SLC8A1: variants seen among roughly 807,000 people sequenced by gnomAD.
SLC8A1 encodes sodium/calcium exchanger 1.
A neutral mutation model predicts 68.3 loss-of-function variants in SLC8A1; 18 were observed. The ratio of observed to expected loss-of-function variants is 0.26; its 90% CI spans 0.18 to 0.39. The LOEUF (loss-of-function observed/expected upper bound fraction) is 0.39. Among genes scored for constraint, SLC8A1 ranks in the 10% least tolerant of loss-of-function variants. SLC8A1 has a pLI of 1.00. For missense variants in SLC8A1, 985 were observed against 1,156.7 expected, an observed-to-expected ratio of 0.85 and a Z score of 2.15; for synonymous variants, 475 against 415.5, an observed-to-expected ratio of 1.14 and a Z score of -1.74.
intron 2 of SLC8A1, among the ~76,000 whole-genome samples, chr2:40,261,000 G>A (rs1254416153): frequency 6.6e-6 from 1 of 152,214 alleles, no homozygotes; most frequent in Non-Finnish European, 1.5e-5. Context: ...AACAGGAAGG[G>A]AGAGAGACAG....
At chr2:40,469,361 T>C (rs1365163233) in intron 1 of SLC8A1, among the ~76,000 whole-genome samples, 2 of 152,248 alleles carry the variant, frequency 1.3e-5, no homozygotes, top group South Asian at 2.1e-4. Context: ...ACTTCCCTCC[T>C]CACTTTCTCT....
chr2:40,425,339 C>G (rs1402457316), intron 2 of SLC8A1, among the ~76,000 whole-genome samples: 2 of 151,764 alleles, frequency 1.3e-5, no homozygotes, highest in African/African-American at 4.8e-5. Flanking sequence ...TATTTCTACA[C>G]TAAAAATAAG....
At chr2:40,358,792 G>A (rs1415068369) in intron 2 of SLC8A1, among the ~76,000 whole-genome samples, 1 of 152,150 alleles carries the variant, frequency 6.6e-6, no homozygotes, top group Non-Finnish European at 1.5e-5. Flanking sequence ...ACAGCCAGGG[G>A]CTGATAAACA....
At chr2:40,309,801 T>C (rs1342657599) in intron 2 of SLC8A1, among the ~76,000 whole-genome samples, 1 of 152,028 alleles carries the variant, frequency 6.6e-6, no homozygotes, top group African/African-American at 2.4e-5. Context: ...ATCGTTCCCA[T>C]CCTAACCATT....
chr2:40,188,592 C>T (rs1338825559), intron 2 of SLC8A1, among the ~76,000 whole-genome samples: 2 of 152,174 alleles, frequency 1.3e-5, no homozygotes, highest in African/African-American at 4.8e-5. Context: ...TCCTATGTTA[C>T]GTTTCTTTTT....
chr2:40,386,598 A>G (rs1380653052), intron 2 of SLC8A1, among the ~76,000 whole-genome samples: 1 of 117,318 alleles, frequency 8.5e-6, no homozygotes, highest in East Asian at 2.1e-4. Context: ...ATTGGGTCTA[A>G]TTACTTGATG....
intron 2 of SLC8A1, among the ~76,000 whole-genome samples, chr2:40,309,931 T>C (rs574973255): frequency 1.3e-5 from 2 of 152,296 alleles, no homozygotes; most frequent in South Asian, 4.1e-4. Flanking sequence ...TCCAGAACAT[T>C]GTATTCAGCC....
intron 6 of SLC8A1, among the ~76,000 whole-genome samples, chr2:40,153,757 C>T (rs1425611236): frequency 6.6e-6 from 1 of 152,148 alleles, no homozygotes. Context: ...AATACAATTC[C>T]TACACCACAA....
At chr2:40,294,845 G>A (rs2070038250) in intron 2 of SLC8A1, among the ~76,000 whole-genome samples, 1 of 152,130 alleles carries the variant, frequency 6.6e-6, no homozygotes, top group Non-Finnish European at 1.5e-5. Context: ...ATTAAAACAT[G>A]TTATTAAGGA....
intron 3 of SLC8A1, among the ~76,000 whole-genome samples, chr2:40,176,160 T>A (rs2048436134): frequency 6.6e-6 from 1 of 152,288 alleles, no homozygotes; most frequent in South Asian, 2.1e-4. Context: ...AAGACGGGAA[T>A]GTTACAGTTA....
intron 1 of SLC8A1, among the ~76,000 whole-genome samples, chr2:40,492,565 A>C (rs1210291734): frequency 6.6e-6 from 1 of 151,034 alleles, no homozygotes; most frequent in African/African-American, 2.4e-5. Flanking sequence ...GCAACCTACA[A>C]AATTGGAGAA....
At chr2:40,174,231 A>G (rs899385728) in intron 4 of SLC8A1, among the ~76,000 whole-genome samples, 4 of 152,086 alleles carry the variant, frequency 2.6e-5, no homozygotes, top group Non-Finnish European at 4.4e-5. Context: ...ATTTACATAC[A>G]TAATTTATGA....
intron 2 of SLC8A1, among the ~76,000 whole-genome samples, chr2:40,391,923 AG>A (rs1364976289): frequency 5.9e-5 from 9 of 152,130 alleles, no homozygotes; most frequent in Non-Finnish European, 1.2e-4. Context: ...CTTTGTCACT[AG>A]AATTGTTTAG....
chr2:40,141,368 G>A (rs767212517), intron 6 of SLC8A1, among the ~76,000 whole-genome samples: 10 of 152,226 alleles, frequency 6.6e-5, no homozygotes, highest in African/African-American at 2.4e-4. Context: ...TCATTTTACA[G>A]GAAAAGAGAA....
chr2:40,209,360 G>A (rs1036351275), intron 2 of SLC8A1: 2 of 152,218 alleles, frequency 1.3e-5, no homozygotes, highest in Admixed American at 1.3e-4. Flanking sequence ...CGCCTCACCT[G>A]TGTAAGGTTT....
At chr2:40,420,817 T>C (rs1695292970) in intron 2 of SLC8A1, among the ~76,000 whole-genome samples, 1 of 152,074 alleles carries the variant, frequency 6.6e-6, no homozygotes, top group Admixed American at 6.6e-5. Context: ...TGAAAGCCAT[T>C]CAAAGGAAGA....
chr2:40,280,419 C>G (rs932946136), intron 2 of SLC8A1, among the ~76,000 whole-genome samples: 24 of 152,152 alleles, frequency 1.6e-4, no homozygotes, highest in African/African-American at 5.1e-4. Context: ...ATGGAAATAT[C>G]TATTCCATTT....
chr2:40,239,955 C>T (rs2060989636), intron 2 of SLC8A1, among the ~76,000 whole-genome samples: 1 of 152,206 alleles, frequency 6.6e-6, no homozygotes. Flanking sequence ...GTAACCACTG[C>T]TTCACCTCTT....
intron 2 of SLC8A1, among the ~76,000 whole-genome samples, chr2:40,311,483 T>C (rs1050510953): frequency 6.6e-6 from 1 of 152,150 alleles, no homozygotes; most frequent in African/African-American, 2.4e-5. Flanking sequence ...GTATGATGTA[T>C]GTCTACTGAA....
Sources: gnomAD v4.1 joint callset for allele counts (sites outside exome capture counted in the v4.1 genomes callset) on GRCh38, gnomAD v4.1.1 for gene constraint, MANE v1.5 for transcripts, NCBI Gene and HGNC (gene_info 2026-07-23, HGNC 2026-07-21) for gene names.